Variants in RBFOX1 observed in about 807,000 individuals in gnomAD.
RBFOX1 encodes RNA binding protein fox-1 homolog 1.
Under a neutral mutation model 57.7 loss-of-function variants are expected in RBFOX1, and 8 were observed. The observed-to-expected ratio is 0.14, with a 90% CI of 0.08 to 0.25. The LOEUF (loss-of-function observed/expected upper bound fraction) is 0.25, where lower values mean the gene tolerates loss of function less well. RBFOX1 is among the 10% of genes least tolerant of loss of function. RBFOX1 has a pLI of 1.00. For missense variants in RBFOX1, 611 were observed against 548.5 expected (o/e 1.11, Z -1.14); for synonymous variants, 326 against 222.4 (o/e 1.47, Z -4.15).
intron 3 of RBFOX1, chr16:7,004,112 C>T (rs918099884): frequency 2.0e-5 from 3 of 151,466 alleles, no homozygotes; most frequent in African/African-American, 7.3e-5. Context: ...AATGTGGACA[C>T]TAGAAATCAG....
At chr16:7,079,167 C>A (rs915930230) in intron 4 of RBFOX1, among the ~76,000 whole-genome samples, 1 of 152,080 alleles carries the variant, frequency 6.6e-6, no homozygotes, top group African/African-American at 2.4e-5. Flanking sequence ...TAATCAGACT[C>A]ACTGACTTCA....
intron 4 of RBFOX1, among the ~76,000 whole-genome samples, chr16:7,464,570 C>A (rs537680759): frequency 6.6e-6 from 1 of 152,146 alleles, no homozygotes; most frequent in East Asian, 1.9e-4. Flanking sequence ...GTTAAAAATC[C>A]CTGAGTGTTT....
chr16:6,767,356 C>G lies in RBFOX1; in HGVS notation c.-16+112706C>G, dbSNP rs112402587. Reference sequence around the variant, plus strand: ...AAATTGATGGCCATTTCTCTGCCCCCCTGAGAATGTGGCCAACCTCCTAGA... The same window carrying G: ...AAATTGATGGCCATTTCTCTGCCCCGCTGAGAATGTGGCCAACCTCCTAGA... On this transcript the variant is annotated intron_variant, in intron 3 of 15. Transcript: ENST00000550418. Among the ~76,000 whole-genome samples the G allele has an allele frequency of 7.9e-5, 12 of 152,238 alleles. No individual in the cohort carries two copies. In the East Asian group the frequency reaches 1.7e-3, roughly 22 times the overall value.
At chr16:6,484,144 C>A (rs947042430) in intron 2 of RBFOX1, among the ~76,000 whole-genome samples, 1 of 152,116 alleles carries the variant, frequency 6.6e-6, no homozygotes, top group Non-Finnish European at 1.5e-5. Flanking sequence ...GATGAATAAG[C>A]GTTTATTAAG....
At chr16:5,462,676 T>A (rs1003167410) in intron 1 of RBFOX1, among the ~76,000 whole-genome samples, 1 of 152,206 alleles carries the variant, frequency 6.6e-6, no homozygotes, top group African/African-American at 2.4e-5. Context: ...GATGCATCCA[T>A]GGCATGGAAT....
intron 3 of RBFOX1, among the ~76,000 whole-genome samples, chr16:6,998,891 C>G (rs886797976): frequency 1.3e-5 from 2 of 151,732 alleles, no homozygotes; most frequent in Middle Eastern, 3.2e-3. Flanking sequence ...TATTTTGCGA[C>G]TGAGTTTCAC....
At chr16:7,568,882 C>CAAAAAAAAA (rs34858992) in intron 5 of RBFOX1, among the ~76,000 whole-genome samples, 2 of 77,528 alleles carry the variant, frequency 2.6e-5, no homozygotes, top group African/African-American at 4.9e-5. Flanking sequence ...GACTCTGTCT[C>CAAAAAAAAA]AAAAAAAAAA....
intron 2 of RBFOX1, among the ~76,000 whole-genome samples, chr16:5,509,848 C>T (rs187636488): frequency 1.8e-4 from 27 of 152,234 alleles, no homozygotes; most frequent in African/African-American, 4.8e-4. Context: ...TAAGGGAGTG[C>T]GGGGTGTCCC....
At chr16:5,598,898 C>T in intron 2 of RBFOX1, 1 of 1,496,496 alleles carries the variant, frequency 6.7e-7, no homozygotes, top group Non-Finnish European at 8.9e-7. Flanking sequence ...TTGTTTTTTG[C>T]CAGGACTACA....
intron 1 of RBFOX1, among the ~76,000 whole-genome samples, chr16:6,304,140 T>C (rs1160200684): frequency 6.6e-6 from 1 of 151,632 alleles, no homozygotes; most frequent in Non-Finnish European, 1.5e-5. Context: ...ATACAAAAAT[T>C]ACCCAGGCGT....
chr16:5,888,429 G>A (rs550397799), intron 4 of RBFOX1, among the ~76,000 whole-genome samples: 1 of 152,154 alleles, frequency 6.6e-6, no homozygotes, highest in South Asian at 2.1e-4. Flanking sequence ...AGTTCCCTGA[G>A]AGTCTAAGTC....
chr16:6,542,104 T>C (rs2153833809), intron 2 of RBFOX1, among the ~76,000 whole-genome samples: 1 of 152,256 alleles, frequency 6.6e-6, no homozygotes, highest in South Asian at 2.1e-4. Flanking sequence ...AACTTTTTTT[T>C]CTTTAGAGAC....
At chr16:7,026,854 T>C (rs2041115643) in intron 3 of RBFOX1, among the ~76,000 whole-genome samples, 1 of 152,244 alleles carries the variant, frequency 6.6e-6, no homozygotes, top group African/African-American at 2.4e-5. Flanking sequence ...GTCGGCTTGC[T>C]GTATCTCCTA....
intron 3 of RBFOX1, among the ~76,000 whole-genome samples, chr16:6,970,683 A>G (rs1026199675): frequency 6.6e-6 from 1 of 152,172 alleles, no homozygotes; most frequent in Non-Finnish European, 1.5e-5. Context: ...CACCTTCTAA[A>G]AATCCTAGCT....
chr16:6,704,756 C>G (rs146298441), intron 3 of RBFOX1: 1 of 152,298 alleles, frequency 6.6e-6, no homozygotes, highest in East Asian at 1.9e-4. Context: ...CTTCTGCCAT[C>G]TGGTCTCGGA....
At chr16:6,562,950 G>T (rs17140607) in intron 2 of RBFOX1, among the ~76,000 whole-genome samples, 1 of 142,150 alleles carries the variant, frequency 7.0e-6, no homozygotes, top group Non-Finnish European at 1.5e-5. Flanking sequence ...GAGTCCCACA[G>T]CCCTTTCCTG....
At chr16:6,516,677 A>C (rs549947770) in intron 2 of RBFOX1, among the ~76,000 whole-genome samples, 2 of 152,212 alleles carry the variant, frequency 1.3e-5, no homozygotes, top group Admixed American at 6.5e-5. Context: ...GATTTCAGTA[A>C]CATCACCAAT....
At chr16:6,985,227 C>T (rs773617211) in intron 3 of RBFOX1, among the ~76,000 whole-genome samples, 1 of 151,984 alleles carries the variant, frequency 6.6e-6, no homozygotes, top group Non-Finnish European at 1.5e-5. Context: ...TTTCTCTGGC[C>T]TCTTGTCTTT....
intron 4 of RBFOX1, among the ~76,000 whole-genome samples, chr16:7,401,870 C>A (rs1039276102): frequency 1.1e-4 from 16 of 152,104 alleles, no homozygotes; most frequent in Non-Finnish European, 2.1e-4. Flanking sequence ...CTTGATTGTC[C>A]TTTAAAAATG....
Sources: allele counts gnomAD v4.1 joint callset (sites outside exome capture counted in the v4.1 genomes callset), GRCh38; gene constraint gnomAD v4.1.1; transcripts MANE v1.5; gene names NCBI Gene and HGNC (gene_info 2026-07-23, HGNC 2026-07-21).